Variants in MTFR1 observed in about 807,000 individuals in gnomAD.
MTFR1 encodes the protein mitochondrial fission regulator 1, also known as chondrocyte protein with a poly-proline region.
MTFR1 carries 28 observed loss-of-function variants against 38.8 expected under a neutral mutation model. The observed-to-expected ratio is 0.72, with a 90% CI of 0.53 to 0.99. The LOEUF (loss-of-function observed/expected upper bound fraction) is 0.99, where lower values mean the gene tolerates loss of function less well. Among genes scored for constraint, MTFR1 ranks in the 50% least tolerant of loss-of-function variants. The probability of loss-of-function intolerance (pLI) is 0.00; values close to 1 mark genes in which losing one functional copy is unlikely to be tolerated. For synonymous variants in MTFR1, 145 were observed against 137.0 expected (o/e 1.06, Z -0.41); for missense variants, 358 against 395.5 (o/e 0.91, Z 0.81).
intron 7 of MTFR1, among the ~76,000 whole-genome samples, chr8:65,708,508 G>T (rs2129060021): frequency 6.6e-6 from 1 of 152,306 alleles, no homozygotes; most frequent in South Asian, 2.1e-4. Flanking sequence ...TGTGTACCAT[G>T]TCAAAGGTGG....
chr8:65,755,956 G>C (rs1346864028), intron 3 of MTFR1, among the ~76,000 whole-genome samples: 2 of 152,158 alleles, frequency 1.3e-5, no homozygotes, highest in South Asian at 4.1e-4. Context: ...TACTGGTAAT[G>C]AACTCCCTCA....
At chr8:65,645,210 A>G (rs955475878) in intron 1 of MTFR1, among the ~76,000 whole-genome samples, 1 of 152,188 alleles carries the variant, frequency 6.6e-6, no homozygotes, top group Non-Finnish European at 1.5e-5. Context: ...TAACGGGCTC[A>G]GGAGCCGGAC....
At chr8:65,758,374 G>A (rs1808333570) in intron 3 of MTFR1, among the ~76,000 whole-genome samples, 1 of 152,096 alleles carries the variant, frequency 6.6e-6, no homozygotes, top group Non-Finnish European at 1.5e-5. Flanking sequence ...ATCAGGTAAG[G>A]GGGAAAAAAT....
At chr8:65,678,655 C>T (rs1804785171) in intron 2 of MTFR1, among the ~76,000 whole-genome samples, 1 of 152,096 alleles carries the variant, frequency 6.6e-6, no homozygotes, top group African/African-American at 2.4e-5. Context: ...AATCCCAGCA[C>T]TTTGGGAGGC....
At chr8:65,653,289 A>G (rs1230475521) in intron 1 of MTFR1, among the ~76,000 whole-genome samples, 1 of 152,094 alleles carries the variant, frequency 6.6e-6, no homozygotes, top group Non-Finnish European at 1.5e-5. Context: ...TGGGTGGATC[A>G]CCTCGATCAC....
chr8:65,733,475 G>A (rs1285302662), intron 3 of MTFR1, among the ~76,000 whole-genome samples: 2 of 152,064 alleles, frequency 1.3e-5, no homozygotes, highest in Non-Finnish European at 2.9e-5. Context: ...TAAAAATTGG[G>A]GTGGGCAATA....
chr8:65,702,157 G>C (rs530565345), intron 4 of MTFR1, among the ~76,000 whole-genome samples: 1 of 152,216 alleles, frequency 6.6e-6, no homozygotes, highest in East Asian at 1.9e-4. Context: ...CAACACTCCT[G>C]CCTGTTCCCA....
At chr8:65,653,733 C>T (rs1424237932) in intron 1 of MTFR1, among the ~76,000 whole-genome samples, 4 of 151,954 alleles carry the variant, frequency 2.6e-5, no homozygotes, top group Non-Finnish European at 2.9e-5. Flanking sequence ...TTTTAGATTT[C>T]AGTTATTTAA....
At chr8:65,713,293 T>G (rs1051955450), downstream of MTFR1, among the ~76,000 whole-genome samples, 1 of 151,868 alleles carries the variant, frequency 6.6e-6, no homozygotes, top group Non-Finnish European at 1.5e-5. Context: ...ATACAAAAAT[T>G]AGCCAGGCGT....
At chr8:65,659,432 T>C (rs1199055227) in intron 1 of MTFR1, among the ~76,000 whole-genome samples, 2 of 151,774 alleles carry the variant, frequency 1.3e-5, no homozygotes, top group Non-Finnish European at 2.9e-5. Flanking sequence ...AGAGGTTTTT[T>C]TTTTTTTTTT....
intron 3 of MTFR1, chr8:65,719,629 G>A: frequency 1.6e-6 from 1 of 640,866 alleles, no homozygotes; most frequent in Non-Finnish European, 2.8e-6. Flanking sequence ...AGATTCCTGT[G>A]TATGTGTAGG....
intron 1 of MTFR1, among the ~76,000 whole-genome samples, chr8:65,645,279 G>A (rs1457594434): frequency 6.6e-6 from 1 of 152,242 alleles, no homozygotes; most frequent in Non-Finnish European, 1.5e-5. Flanking sequence ...TGATCCGCCG[G>A]GAAGTTTAAC....
At chr8:65,755,793 TCTTA>T (rs1808210308) in intron 3 of MTFR1, among the ~76,000 whole-genome samples, 1 of 152,220 alleles carries the variant, frequency 6.6e-6, no homozygotes, top group South Asian at 2.1e-4. Flanking sequence ...AGCATTTCTT[TCTTA>T]TTCTCTTTGA....
chr8:65,711,505 A>G (rs60296357), downstream of MTFR1, among the ~76,000 whole-genome samples: 440 of 152,352 alleles, frequency 2.9e-3, 2 homozygotes, highest in African/African-American at 0.01. Context: ...ATTGCCAGAT[A>G]GATAGAATGA....
chr8:65,739,616 C>G (rs760922363), intron 3 of MTFR1: 8 of 1,491,908 alleles, frequency 5.4e-6, no homozygotes, highest in Non-Finnish European at 7.1e-6. Flanking sequence ...AAAGAAGAGA[C>G]ATTACATTAG....
Position 65,707,952 on chromosome 8 carries a change from G to T in MTFR1, c.874G>T (p.Asp292Tyr), listed in dbSNP as rs746530011. 1 of 1,613,954 alleles carries T rather than the reference G, an allele frequency of 6.2e-7. No homozygotes were observed. Among genetic ancestry groups the T allele is most frequent in the Non-Finnish European group, 8.5e-7 (1 of 1,179,968 alleles). Residue 292 changes from aspartate to tyrosine, a missense_variant, in exon 7 of 8, where the codon GAT (aspartate) becomes TAT (tyrosine). Transcript: ENST00000262146. Reference sequence around the variant, plus strand: ...TTATCGGTATCGAAGTGATAGCCAAGATGAAGTTGAAAAAGGAATTCCAAA... The same window carrying T: ...TTATCGGTATCGAAGTGATAGCCAATATGAAGTTGAAAAAGGAATTCCAAA... ...FAYRYRSDSQ[D>Y]EVEKGIPKSE...
chr8:65,723,942 T>C (rs987291051), intron 3 of MTFR1, among the ~76,000 whole-genome samples: 5 of 152,170 alleles, frequency 3.3e-5, no homozygotes, highest in African/African-American at 1.2e-4. Flanking sequence ...AAGTTTTACA[T>C]GTTCATATGG....
At chr8:65,647,218 A>C (rs1314280786) in intron 1 of MTFR1, among the ~76,000 whole-genome samples, 1 of 152,224 alleles carries the variant, frequency 6.6e-6, no homozygotes, top group Non-Finnish European at 1.5e-5. Flanking sequence ...GACGTGGGGA[A>C]CTGGCAAATT....
chr8:65,776,652 T>C, the MTFR1 span, among the ~76,000 whole-genome samples: 4 of 152,216 alleles, frequency 2.6e-5, no homozygotes, highest in Non-Finnish European at 4.4e-5. Context: ...ATATTTGATG[T>C]TTCTTGATAC....
Sources: gnomAD v4.1 joint callset for allele counts (sites outside exome capture counted in the v4.1 genomes callset) on GRCh38, gnomAD v4.1.1 for gene constraint, MANE v1.5 for transcripts, NCBI Gene and HGNC (gene_info 2026-07-23, HGNC 2026-07-21) for gene names.